The following LARGE1 variants were observed in gnomAD, a reference collection of about 807,000 sequenced individuals.
LARGE1 encodes the protein LARGE xylosyl- and glucuronyltransferase 1, also known as xylosyl- and glucuronyltransferase LARGE1.
A neutral mutation model predicts 87.6 loss-of-function variants in LARGE1; 43 were observed. The ratio of observed to expected loss-of-function variants is 0.49; its 90% CI spans 0.38 to 0.63. The LOEUF is 0.63. Ranked by LOEUF, LARGE1 falls within the 30% of genes least tolerant of loss-of-function variation. The pLI is 0.00. For missense variants in LARGE1, 802 were observed against 1,000.2 expected, an observed-to-expected ratio of 0.80 and a Z score of 2.67; for synonymous variants, 434 against 394.6, an observed-to-expected ratio of 1.10 and a Z score of -1.18.
In LARGE1 at chr22:33,267,057, T is replaced by C. The variant is rs555363795; in HGVS notation, c.1730+37172A>G. Among the ~76,000 whole-genome samples the C allele has an allele frequency of 6.3e-4, 95 of 151,486 alleles. 1 individual carries two copies. The highest frequency in any genetic ancestry group is 1.1e-3 in the Non-Finnish European group (75 of 68,000). ...GAGTTCGAGACCAGCCTGGCCAACA[T>C]GGCAAAACCCTGTATCTAGTAAAAA... On this transcript the variant is annotated intron_variant, in intron 11 of 11. Transcript: ENST00000608642.
intron 5 of LARGE1, among the ~76,000 whole-genome samples, chr22:33,567,292 A>G (rs1392782765): frequency 6.6e-6 from 1 of 152,200 alleles, no homozygotes; most frequent in Non-Finnish European, 1.5e-5. Context: ...TACTTCACAC[A>G]GTGGTATAAA....
Position 33,174,948 on chromosome 22 carries a change from T to C in LARGE1, c.1731-8116A>G, listed in dbSNP as rs1029486313. Among the ~76,000 whole-genome samples, 6 of 151,910 alleles carry C rather than the reference T, an allele frequency of 3.9e-5. 1 individual carries two copies. In the South Asian group the frequency reaches 6.2e-4, roughly 16 times the overall value. On this transcript the variant is annotated intron_variant, in intron 11 of 11. Coordinates refer to the LARGE1 transcript ENST00000608642. ...TTCCTTCTAAAGCTATTCCAAACAA[T>C]AGAAAAAGAGGGAATCCTCCCTAAC...
chr22:33,555,358 C>T (rs1160348359), intron 6 of LARGE1, among the ~76,000 whole-genome samples: 1 of 151,856 alleles, frequency 6.6e-6, no homozygotes, highest in African/African-American at 2.4e-5. Context: ...CAGAGCAGCC[C>T]TCTTGATAAG....
chr22:33,268,525 T>C (rs1160536520), downstream of LARGE1, among the ~76,000 whole-genome samples: 4 of 151,414 alleles, frequency 2.6e-5, no homozygotes, highest in Middle Eastern at 6.8e-3. Flanking sequence ...TCCCCCGGGT[T>C]CTCACCATTC....
At chr22:33,115,716 G>T in the LARGE1 span, among the ~76,000 whole-genome samples, 1 of 151,018 alleles carries the variant, frequency 6.6e-6, no homozygotes, top group African/African-American at 2.4e-5. Flanking sequence ...TACTCGGGAC[G>T]CTGAGGCAGA....
At chr22:33,666,082 TACA>T (rs1198431509) in intron 2 of LARGE1, among the ~76,000 whole-genome samples, 1 of 152,228 alleles carries the variant, frequency 6.6e-6, no homozygotes, top group East Asian at 1.9e-4. Context: ...TGTACTTCTA[TACA>T]ACAAGCTGGG....
chr22:33,103,845 A>G, the LARGE1 span, among the ~76,000 whole-genome samples: 2 of 152,120 alleles, frequency 1.3e-5, no homozygotes, highest in African/African-American at 4.8e-5. Flanking sequence ...TTTCCCTTAT[A>G]CTGTTCTCGT....
the LARGE1 span, among the ~76,000 whole-genome samples, chr22:33,128,289 G>A: frequency 1.3e-5 from 2 of 152,142 alleles, no homozygotes; most frequent in African/African-American, 4.8e-5. Flanking sequence ...TTATTATAAA[G>A]ATACATGCGT....
chr22:33,133,287 CG>C, the LARGE1 span, among the ~76,000 whole-genome samples: 1 of 152,228 alleles, frequency 6.6e-6, no homozygotes, highest in Non-Finnish European at 1.5e-5. Flanking sequence ...CCCATCAACC[CG>C]TCATCTACAT....
rs370144180 is a variant in LARGE1, at chr22:33,340,192, ACT to A, written c.1132-2393_1132-2392del. On this transcript the variant is annotated intron_variant, in intron 9 of 14. Transcript: ENST00000397394. ...GATGGGGAAGTAGAGGCACAGAAAG[ACT>A]CTGTAATTTGCCTGTGGTCACAGAA... Among the ~76,000 whole-genome samples, 116 of 151,732 alleles carry A rather than the reference ACT, an allele frequency of 7.6e-4. 2 individuals carry two copies. The South Asian group carries it at 0.012, about 16-fold the overall frequency.
At chr22:33,315,744 C>T (rs1936081823) in intron 11 of LARGE1, among the ~76,000 whole-genome samples, 1 of 152,134 alleles carries the variant, frequency 6.6e-6, no homozygotes, top group South Asian at 2.1e-4. Flanking sequence ...ATTCTCCTGC[C>T]TCAGCCTCCC....
At position 33,229,292 on chromosome 22, in the gene LARGE1, A is replaced by G. The variant is rs371990776; in HGVS notation, c.1731-62460T>C. Among the ~76,000 whole-genome samples the G allele has an allele frequency of 3.3e-5, 5 of 152,204 alleles. No homozygotes were observed. In the East Asian group the frequency reaches 9.6e-4, roughly 29 times the overall value. ...ACTTAAGATTATAAACTAACATAATAAATTATAATGAAGGAAATTCAACAA... is the reference window on the plus strand; with the variant it reads ...ACTTAAGATTATAAACTAACATAATGAATTATAATGAAGGAAATTCAACAA... On this transcript the variant is annotated intron_variant, in intron 11 of 11. Transcript: ENST00000608642.
intron 4 of LARGE1, among the ~76,000 whole-genome samples, chr22:33,611,091 A>G (rs2079414789): frequency 6.6e-6 from 1 of 152,244 alleles, no homozygotes; most frequent in Non-Finnish European, 1.5e-5. Flanking sequence ...ACAGGGGCAG[A>G]GCCCACCAGA....
intron 5 of LARGE1, among the ~76,000 whole-genome samples, chr22:33,586,480 G>C (rs2078677977): frequency 6.7e-6 from 1 of 149,942 alleles, no homozygotes; most frequent in Non-Finnish European, 1.5e-5. Context: ...TTTTCAGACG[G>C]AGTCTTGCTC....
intron 1 of LARGE1, among the ~76,000 whole-genome samples, chr22:33,785,032 T>C (rs748923607): frequency 1.8e-4 from 27 of 150,118 alleles, no homozygotes; most frequent in Non-Finnish European, 3.7e-4. Flanking sequence ...TATGTGTATA[T>C]ACATATATGT....
intron 11 of LARGE1, among the ~76,000 whole-genome samples, chr22:33,315,318 A>G (rs187659540): frequency 6.6e-4 from 100 of 152,312 alleles, no homozygotes; most frequent in African/African-American, 2.2e-3. Context: ...CTCCCTGGAC[A>G]AGGTTGAGAA....
At chr22:33,838,232 T>C (rs982373191) in intron 1 of LARGE1, among the ~76,000 whole-genome samples, 2 of 152,166 alleles carry the variant, frequency 1.3e-5, no homozygotes, top group Admixed American at 6.6e-5. Flanking sequence ...ACACAATCTC[T>C]AGTAACATGG....
intron 2 of LARGE1, among the ~76,000 whole-genome samples, chr22:33,682,185 T>C: frequency 6.6e-6 from 1 of 152,236 alleles, no homozygotes. Context: ...GAATTTATTA[T>C]ATAAATCTGT....
intron 6 of LARGE1, among the ~76,000 whole-genome samples, chr22:33,544,674 C>A (rs1329059068): frequency 1.7e-5 from 2 of 120,528 alleles, no homozygotes; most frequent in Non-Finnish European, 1.8e-5. Flanking sequence ...CAGAGCAAGA[C>A]CCTGTCTCAA....
Sources: allele counts gnomAD v4.1 joint callset (sites outside exome capture counted in the v4.1 genomes callset), GRCh38; gene constraint gnomAD v4.1.1; transcripts MANE v1.5; gene names NCBI Gene and HGNC (gene_info 2026-07-23, HGNC 2026-07-21).